Variants in PCDH15 observed in about 807,000 individuals in gnomAD.
The protein encoded by PCDH15 is protocadherin related 15, also known as protocadherin-15.
PCDH15 carries 129 observed loss-of-function variants against 178.5 expected under a neutral mutation model. That is an observed-to-expected ratio of 0.72 (90% CI 0.63 to 0.84). PCDH15 has a LOEUF of 0.84. PCDH15 is among the 40% of genes least tolerant of loss of function. PCDH15 has a pLI of 0.00. For missense variants in PCDH15, 2,230 were observed against 2,099.9 expected, an observed-to-expected ratio of 1.06 and a Z score of -1.21; for synonymous variants, 800 against 732.0, an observed-to-expected ratio of 1.09 and a Z score of -1.50.
intron 2 of PCDH15, chr10:54,528,350 C>T: frequency 6.5e-7 from 1 of 1,535,664 alleles, no homozygotes; most frequent in Non-Finnish European, 8.9e-7. Flanking sequence ...AAGCAATGCT[C>T]ATGAGGTTGT....
intron 3 of PCDH15, among the ~76,000 whole-genome samples, chr10:54,854,516 G>A (rs780764696): frequency 3.3e-5 from 5 of 152,136 alleles, no homozygotes; most frequent in Admixed American, 1.3e-4. Flanking sequence ...GAGGAAACCC[G>A]CAGGGGGAGC....
At chr10:54,708,016 A>G (rs1205640781) in intron 1 of PCDH15, among the ~76,000 whole-genome samples, 2 of 152,210 alleles carry the variant, frequency 1.3e-5, no homozygotes, top group African/African-American at 4.8e-5. Flanking sequence ...AGAGTTTATC[A>G]TGTTTTAGCA....
chr10:53,980,479 T>G (rs2090546134), intron 21 of PCDH15, among the ~76,000 whole-genome samples: 1 of 152,102 alleles, frequency 6.6e-6, no homozygotes, highest in Admixed American at 6.6e-5. Flanking sequence ...CTTCAAGAGT[T>G]TAGGTATTAA....
chr10:54,671,410 G>A (rs1480571144), intron 1 of PCDH15, among the ~76,000 whole-genome samples: 5 of 152,032 alleles, frequency 3.3e-5, no homozygotes, highest in Non-Finnish European at 5.9e-5. Flanking sequence ...AAACGTAAAA[G>A]TATGAAAATG....
At chr10:54,727,052 A>C (rs1238412598) in intron 1 of PCDH15, among the ~76,000 whole-genome samples, 1 of 151,426 alleles carries the variant, frequency 6.6e-6, no homozygotes, top group Non-Finnish European at 1.5e-5. Context: ...ATGAAAACTC[A>C]GGAAAGACAT....
At chr10:54,835,231 A>C (rs1301603802) in intron 3 of PCDH15, among the ~76,000 whole-genome samples, 1 of 152,196 alleles carries the variant, frequency 6.6e-6, no homozygotes, top group East Asian at 1.9e-4. Flanking sequence ...GCATATCTTC[A>C]TGGTCGCAAT....
chr10:54,171,973 A>C (rs939358720), intron 13 of PCDH15, among the ~76,000 whole-genome samples: 3 of 150,710 alleles, frequency 2.0e-5, no homozygotes, highest in African/African-American at 2.5e-5. Context: ...TTCTCTCTCC[A>C]TACCACCCCC....
chr10:54,154,639 GTGC>G (rs2044901887), intron 13 of PCDH15, among the ~76,000 whole-genome samples: 1 of 152,088 alleles, frequency 6.6e-6, no homozygotes, highest in East Asian at 1.9e-4. Context: ...ACACTGTACT[GTGC>G]TGAAGGGGTT....
At chr10:55,051,596 A>G (rs1841163151) in intron 2 of PCDH15, among the ~76,000 whole-genome samples, 1 of 152,042 alleles carries the variant, frequency 6.6e-6, no homozygotes, top group African/African-American at 2.4e-5. Context: ...TTTCATTTCA[A>G]GTTTGAGACT....
At chr10:55,471,810 G>T (rs543101054) in intron 2 of PCDH15, among the ~76,000 whole-genome samples, 2 of 152,266 alleles carry the variant, frequency 1.3e-5, no homozygotes, top group Admixed American at 6.5e-5. Context: ...GTTTCCCCAA[G>T]TTCACAACTT....
chr10:54,152,490 T>C (rs2044637438), intron 14 of PCDH15, among the ~76,000 whole-genome samples: 1 of 151,878 alleles, frequency 6.6e-6, no homozygotes, highest in Non-Finnish European at 1.5e-5. Flanking sequence ...AGTATCTACA[T>C]GGAGAGGACT....
chr10:55,549,497 CTT>C (rs1037192676), intron 2 of PCDH15, among the ~76,000 whole-genome samples: 21 of 152,090 alleles, frequency 1.4e-4, no homozygotes, highest in Admixed American at 4.6e-4. Flanking sequence ...CAGGGTGAAT[CTT>C]AGGTAGGAAG....
chr10:54,368,101 A>G (rs768934478), intron 5 of PCDH15, among the ~76,000 whole-genome samples: 1 of 151,986 alleles, frequency 6.6e-6, no homozygotes, highest in Admixed American at 6.6e-5. Context: ...TTAAATTTAA[A>G]TAGGAGTTTG....
chr10:54,057,539 C>G (rs1160334702), intron 18 of PCDH15, among the ~76,000 whole-genome samples: 1 of 152,078 alleles, frequency 6.6e-6, no homozygotes, highest in Non-Finnish European at 1.5e-5. Context: ...GGCACTAAGT[C>G]ATGAGGATAC....
intron 2 of PCDH15, among the ~76,000 whole-genome samples, chr10:54,593,116 T>C (rs1250265004): frequency 1.3e-5 from 2 of 152,178 alleles, no homozygotes; most frequent in Non-Finnish European, 2.9e-5. Context: ...ATATTTTCTG[T>C]AGTTTGTCTT....
intron 2 of PCDH15, among the ~76,000 whole-genome samples, chr10:55,473,410 A>C (rs1363548319): frequency 6.6e-6 from 1 of 152,146 alleles, no homozygotes; most frequent in East Asian, 1.9e-4. Flanking sequence ...CAATCTCAGC[A>C]ATAAGAATTT....
At chr10:54,833,547 A>G (rs1953263446) in intron 3 of PCDH15, among the ~76,000 whole-genome samples, 1 of 152,168 alleles carries the variant, frequency 6.6e-6, no homozygotes, top group Non-Finnish European at 1.5e-5. Flanking sequence ...GGCTTGCACC[A>G]TGGATTTCAG....
intron 20 of PCDH15, among the ~76,000 whole-genome samples, chr10:53,997,831 G>T (rs2091927454): frequency 6.6e-6 from 1 of 152,124 alleles, no homozygotes; most frequent in African/African-American, 2.4e-5. Flanking sequence ...TTGACAGGAT[G>T]AAGAATAAAT....
At chr10:53,863,630 G>A (rs1208149404) in intron 27 of PCDH15, among the ~76,000 whole-genome samples, 1 of 152,144 alleles carries the variant, frequency 6.6e-6, no homozygotes, top group African/African-American at 2.4e-5. Context: ...ATGGATGGCA[G>A]CTAGAAGGTG....
Sources: allele counts gnomAD v4.1 joint callset (sites outside exome capture counted in the v4.1 genomes callset), GRCh38; gene constraint gnomAD v4.1.1; transcripts MANE v1.5; gene names NCBI Gene and HGNC (gene_info 2026-07-23, HGNC 2026-07-21).